BRINP3: variants seen among roughly 807,000 people sequenced by gnomAD.
BRINP3 encodes the protein BMP/retinoic acid inducible neural specific 3, also known as BMP/retinoic acid-inducible neural-specific protein 3.
In BRINP3, 19 loss-of-function variants were observed where a neutral mutation model predicts 71.0. The ratio of observed to expected loss-of-function variants is 0.27; its 90% CI spans 0.19 to 0.39. The LOEUF (loss-of-function observed/expected upper bound fraction) is 0.39. Ranked by LOEUF, BRINP3 falls within the 10% of genes least tolerant of loss-of-function variation. The pLI, the probability that BRINP3 is intolerant of heterozygous loss-of-function variation, is 1.00. For missense variants in BRINP3, 959 were observed against 940.8 expected, an observed-to-expected ratio of 1.02 and a Z score of -0.25; for synonymous variants, 380 against 337.7, an observed-to-expected ratio of 1.13 and a Z score of -1.37.
intron 6 of BRINP3, among the ~76,000 whole-genome samples, chr1:190,200,857 G>T (rs762292447): frequency 6.6e-6 from 1 of 152,116 alleles, no homozygotes; most frequent in African/African-American, 2.4e-5. Context: ...CCATGATTGT[G>T]AGGCCTCCCA....
intron 1 of BRINP3, among the ~76,000 whole-genome samples, chr1:190,472,163 C>A (rs1391235750): frequency 1.3e-5 from 2 of 151,560 alleles, no homozygotes; most frequent in Non-Finnish European, 3.0e-5. Context: ...TCTCTTATGT[C>A]ATTTTATGTA....
intron 6 of BRINP3, among the ~76,000 whole-genome samples, chr1:190,214,994 C>T (rs1158306360): frequency 6.6e-6 from 1 of 150,664 alleles, no homozygotes; most frequent in Non-Finnish European, 1.5e-5. Context: ...GAATGCCTTA[C>T]AACTCTCATA....
At chr1:190,315,670 A>T (rs569492574) in intron 2 of BRINP3, among the ~76,000 whole-genome samples, 10 of 152,252 alleles carry the variant, frequency 6.6e-5, no homozygotes, top group Admixed American at 1.3e-4. Flanking sequence ...AGATGTGAGG[A>T]ACCAATCCAG....
At chr1:190,403,482 G>A (rs918116831) in intron 2 of BRINP3, among the ~76,000 whole-genome samples, 1 of 152,116 alleles carries the variant, frequency 6.6e-6, no homozygotes. Context: ...TATTGAAAAA[G>A]AGGTGCCAAA....
At chr1:190,209,644 A>G (rs570049207) in intron 6 of BRINP3, among the ~76,000 whole-genome samples, 7 of 152,280 alleles carry the variant, frequency 4.6e-5, no homozygotes, top group African/African-American at 1.4e-4. Context: ...ATATTTGCTC[A>G]GTACTTTAAA....
intron 2 of BRINP3, among the ~76,000 whole-genome samples, chr1:190,317,217 AAAC>A (rs1470689092): frequency 2.0e-5 from 3 of 151,810 alleles, no homozygotes; most frequent in Non-Finnish European, 2.9e-5. Flanking sequence ...TTGCCTTAAA[AAAC>A]AACAATTACT....
intron 6 of BRINP3, among the ~76,000 whole-genome samples, chr1:190,202,430 G>A (rs1217142381): frequency 2.0e-5 from 3 of 152,084 alleles, no homozygotes; most frequent in African/African-American, 7.2e-5. Flanking sequence ...ACTTCGTATT[G>A]TGGACTTTTG....
At chr1:190,253,740 G>C (rs181977952) in intron 4 of BRINP3, among the ~76,000 whole-genome samples, 14 of 152,264 alleles carry the variant, frequency 9.2e-5, no homozygotes, top group Admixed American at 3.3e-4. Context: ...TGTTTAGTCT[G>C]ATAGTAGTTT....
At chr1:190,449,816 G>T (rs1675485847) in intron 2 of BRINP3, among the ~76,000 whole-genome samples, 1 of 151,946 alleles carries the variant, frequency 6.6e-6, no homozygotes, top group Admixed American at 6.6e-5. Flanking sequence ...GAAAGTCCAG[G>T]GGAAACAACA....
chr1:190,132,653 A>G (rs963529906), intron 7 of BRINP3, among the ~76,000 whole-genome samples: 2 of 152,078 alleles, frequency 1.3e-5, no homozygotes, highest in Non-Finnish European at 2.9e-5. Flanking sequence ...AACTTACACA[A>G]TATTGTACTC....
At chr1:190,192,075 C>T (rs1181028369) in intron 6 of BRINP3, among the ~76,000 whole-genome samples, 3 of 152,114 alleles carry the variant, frequency 2.0e-5, no homozygotes, top group Non-Finnish European at 4.4e-5. Context: ...CTATTGCAAA[C>T]ATGCTCTGAA....
chr1:190,329,535 C>G (rs1353399077), intron 2 of BRINP3, among the ~76,000 whole-genome samples: 1 of 151,764 alleles, frequency 6.6e-6, no homozygotes, highest in Non-Finnish European at 1.5e-5. Context: ...TCATAGATGA[C>G]AGAAACAAAT....
Position 190,264,978 on chromosome 1 carries a change from T to C in BRINP3, c.505A>G (p.Ser169Gly), listed in dbSNP as rs1661526226. The C allele has an allele frequency of 6.2e-7, 1 of 1,610,998 alleles. No individual in the cohort carries two copies. The highest frequency in any genetic ancestry group is 8.5e-7 in the Non-Finnish European group (1 of 1,179,034). The stretch of plus-strand genomic sequence containing the variant: ...AGCGTCTCCAGAGTGACCGAAGAGC[T>C]ATTGGTGGTGGAATCACTTCCTTCA... ...RAEGSDSTTN[S>G]SSVTLETLHQ... Residue 169 changes from serine to glycine, a missense_variant, in exon 4 of 8, where the codon AGC becomes GGC. Coordinates refer to ENST00000367462, the MANE Select transcript of BRINP3 (RefSeq NM_199051.3).
intron 7 of BRINP3, among the ~76,000 whole-genome samples, chr1:190,142,455 G>T (rs925668553): frequency 1.3e-5 from 2 of 152,054 alleles, no homozygotes; most frequent in African/African-American, 4.8e-5. Flanking sequence ...TTGCTTTTGC[G>T]CTGGCATTGG....
chr1:190,381,250 C>T (rs1465527581), intron 2 of BRINP3, among the ~76,000 whole-genome samples: 2 of 151,984 alleles, frequency 1.3e-5, no homozygotes, highest in African/African-American at 4.8e-5. Flanking sequence ...TATTTTGCTT[C>T]CTTGACCTTT....
chr1:190,208,508 T>A (rs1571366741), intron 6 of BRINP3, among the ~76,000 whole-genome samples: 1 of 152,066 alleles, frequency 6.6e-6, no homozygotes, highest in African/African-American at 2.4e-5. Context: ...TTATTTATTT[T>A]TTGAGACAGT....
At chr1:190,152,684 T>C (rs1656520050) in intron 7 of BRINP3, among the ~76,000 whole-genome samples, 1 of 151,916 alleles carries the variant, frequency 6.6e-6, no homozygotes, top group South Asian at 2.1e-4. Context: ...GACAAAATGT[T>C]GAGGTACCGA....
intron 6 of BRINP3, among the ~76,000 whole-genome samples, chr1:190,165,460 TTGTGTGTGTGTGTG>T (rs1222112915): frequency 1.0e-5 from 1 of 95,246 alleles, no homozygotes; most frequent in African/African-American, 4.5e-5. Context: ...TTTTTTTTTT[TTGTGTGTGTGTGTG>T]TGTGTGTGTG....
intron 2 of BRINP3, among the ~76,000 whole-genome samples, chr1:190,445,836 T>A (rs1461320963): frequency 6.6e-6 from 1 of 152,144 alleles, no homozygotes; most frequent in Non-Finnish European, 1.5e-5. Context: ...TGGGATTAGA[T>A]AGAGAAAAAT....
Sources: allele counts gnomAD v4.1 joint callset (sites outside exome capture counted in the v4.1 genomes callset), GRCh38; gene constraint gnomAD v4.1.1; transcripts MANE v1.5; gene names NCBI Gene and HGNC (gene_info 2026-07-23, HGNC 2026-07-21).